The following PRP4K variants were observed in gnomAD, a reference collection of about 807,000 sequenced individuals.
PRP4K encodes the protein pre-mRNA processing factor kinase PRP4K, also known as serine/threonine-protein kinase PRP4 homolog.
the PRP4K span, among the ~76,000 whole-genome samples, chr6:4,048,567 CTTTTG>C: frequency 1.3e-5 from 2 of 151,680 alleles, no homozygotes; most frequent in African/African-American, 4.8e-5. Flanking sequence ...TTTTTTTTCT[CTTTTG>C]TTTTGAGATA....
chr6:4,033,654 A>G, the PRP4K span, among the ~76,000 whole-genome samples: 1 of 152,194 alleles, frequency 6.6e-6, no homozygotes, highest in African/African-American at 2.4e-5. Context: ...TAAGGATGTT[A>G]TTAATTCCTA....
At chr6:4,057,187 G>A in the PRP4K span, 1 of 1,610,266 alleles carries the variant, frequency 6.2e-7, no homozygotes, top group East Asian at 2.2e-5. Context: ...TGCCAAATAA[G>A]GTAAGACATT....
the PRP4K span, among the ~76,000 whole-genome samples, chr6:4,058,136 A>G: frequency 3.9e-3 from 601 of 152,258 alleles, 6 homozygotes; most frequent in Non-Finnish European, 3.7e-3. Flanking sequence ...TCAGTCTCCA[A>G]TGTAGCTGGG....
At chr6:4,029,250 T>A in the PRP4K span, among the ~76,000 whole-genome samples, 9 of 151,910 alleles carry the variant, frequency 5.9e-5, no homozygotes, top group African/African-American at 1.9e-4. Flanking sequence ...TATATATAAC[T>A]GCCTTTTGTC....
At chr6:4,032,551 G>T in the PRP4K span, 1 of 1,613,662 alleles carries the variant, frequency 6.2e-7, no homozygotes, top group Non-Finnish European at 8.5e-7. Flanking sequence ...CCCAGCAGAA[G>T]ACCTGGTCGT....
At chr6:4,049,910 A>G in the PRP4K span, 3 of 1,611,150 alleles carry the variant, frequency 1.9e-6, no homozygotes, top group South Asian at 2.2e-5. Flanking sequence ...GAAACCTTTA[A>G]CAGTACGGAT....
chr6:4,050,392 G>C, the PRP4K span: 2 of 608,312 alleles, frequency 3.3e-6, no homozygotes, highest in East Asian at 3.5e-5. Flanking sequence ...GGAACAACAG[G>C]CTGATTATTT....
the PRP4K span, among the ~76,000 whole-genome samples, chr6:4,058,170 C>A: frequency 2.6e-5 from 4 of 152,210 alleles, no homozygotes; most frequent in South Asian, 8.3e-4. Flanking sequence ...GCCACCACAA[C>A]CAGTTAATTT....
At chr6:4,041,984 C>T in the PRP4K span, among the ~76,000 whole-genome samples, 1 of 152,196 alleles carries the variant, frequency 6.6e-6, no homozygotes, top group African/African-American at 2.4e-5. Context: ...AGGGTTAGTG[C>T]GGAGGGTTGG....
At chr6:4,031,772 T>C in the PRP4K span, 1 of 1,607,788 alleles carries the variant, frequency 6.2e-7, no homozygotes, top group South Asian at 1.1e-5. Context: ...AGATTATTGA[T>C]GCTTCTGATA....
the PRP4K span, chr6:4,043,699 G>C: frequency 6.3e-6 from 6 of 948,904 alleles, no homozygotes; most frequent in African/African-American, 1.6e-5. Flanking sequence ...CATTTGGTTT[G>C]TTACATTATT....
chr6:4,061,998 A>G, the PRP4K span: 1 of 152,628 alleles, frequency 6.6e-6, no homozygotes, highest in Non-Finnish European at 1.5e-5. Context: ...TTTTTTCCTG[A>G]AAGTTTTTAA....
chr6:4,051,859 A>T, the PRP4K span: 110 of 760,870 alleles, frequency 1.4e-4, no homozygotes, highest in Non-Finnish European at 2.1e-4. Flanking sequence ...TCTCCCACAC[A>T]TCACCTGATC....
At chr6:4,057,274 T>G in the PRP4K span, 1 of 1,390,930 alleles carries the variant, frequency 7.2e-7, no homozygotes, top group East Asian at 2.4e-5. Flanking sequence ...TAGTGAGCTA[T>G]AAAACAAAAA....
the PRP4K span, among the ~76,000 whole-genome samples, chr6:4,027,613 T>TGGGGGG: frequency 1.0e-4 from 4 of 38,552 alleles, no homozygotes; most frequent in Non-Finnish European, 9.9e-5. Flanking sequence ...GGGGGTGGGG[T>TGGGGGG]GGGGGTTGGT....
the PRP4K span, among the ~76,000 whole-genome samples, chr6:4,042,910 T>C: frequency 5.3e-5 from 8 of 152,230 alleles, no homozygotes; most frequent in Non-Finnish European, 7.3e-5. Context: ...AAATTATGCA[T>C]GTTACTGTGT....
the PRP4K span, among the ~76,000 whole-genome samples, chr6:4,042,141 T>TA: frequency 6.6e-6 from 1 of 152,246 alleles, no homozygotes; most frequent in East Asian, 1.9e-4. Flanking sequence ...TTACTTATCT[T>TA]ACCCTTGCCA....
chr6:4,056,491 C>T, the PRP4K span: 1 of 1,611,962 alleles, frequency 6.2e-7, no homozygotes, highest in African/African-American at 1.3e-5. Context: ...AAACCGCATA[C>T]TTAATGTCTA....
At chr6:4,046,660 CTTTTT>C in the PRP4K span, among the ~76,000 whole-genome samples, 1 of 141,896 alleles carries the variant, frequency 7.0e-6, no homozygotes, top group African/African-American at 2.6e-5. Context: ...GGTCTTTCAA[CTTTTT>C]TTTTTTTTTT....
Sources: allele counts gnomAD v4.1 joint callset (sites outside exome capture counted in the v4.1 genomes callset), GRCh38; gene constraint gnomAD v4.1.1; transcripts MANE v1.5; gene names NCBI Gene and HGNC (gene_info 2026-07-23, HGNC 2026-07-21).